AGMO: variants seen among roughly 807,000 people sequenced by gnomAD.
AGMO encodes glyceryl-ether monooxygenase.
Under a neutral mutation model 60.2 loss-of-function variants are expected in AGMO, and 75 were observed. That is an observed-to-expected ratio of 1.25 (90% CI 1.03 to 1.51). The LOEUF (loss-of-function observed/expected upper bound fraction) is 1.51, where lower values mean the gene tolerates loss of function less well. AGMO is among the 40% of genes most tolerant of loss of function. The probability of loss-of-function intolerance (pLI) is 0.00; values close to 1 mark genes in which losing one functional copy is unlikely to be tolerated. For missense variants in AGMO, 763 were observed against 525.5 expected (o/e 1.45, Z -4.42); for synonymous variants, 261 against 177.1 (o/e 1.47, Z -3.76).
At chr7:15,278,064 AT>A (rs1783850382) in intron 12 of AGMO, among the ~76,000 whole-genome samples, 1 of 152,024 alleles carries the variant, frequency 6.6e-6, no homozygotes, top group Non-Finnish European at 1.5e-5. Context: ...CTCAGGTTAG[AT>A]GCATACTATA....
intron 12 of AGMO, among the ~76,000 whole-genome samples, chr7:15,238,494 T>G (rs1251533595): frequency 1.3e-5 from 2 of 151,820 alleles, no homozygotes; most frequent in African/African-American, 4.8e-5. Context: ...TCATTATACA[T>G]TATACACAGG....
chr7:15,490,110 A>C (rs375616112), intron 3 of AGMO, among the ~76,000 whole-genome samples: 1 of 152,212 alleles, frequency 6.6e-6, no homozygotes, highest in Non-Finnish European at 1.5e-5. Flanking sequence ...TTAAACAAAC[A>C]ATTTTTAAAT....
intron 12 of AGMO, among the ~76,000 whole-genome samples, chr7:15,316,731 C>A (rs1780936969): frequency 2.0e-5 from 3 of 152,166 alleles, no homozygotes; most frequent in African/African-American, 4.8e-5. Context: ...CGTTTCCCCT[C>A]TCACTGTTTA....
chr7:15,376,538 C>G (rs1490710130), intron 10 of AGMO, among the ~76,000 whole-genome samples: 2 of 152,000 alleles, frequency 1.3e-5, no homozygotes, highest in South Asian at 2.1e-4. Flanking sequence ...CTCAGATGCC[C>G]TGTAACTTGA....
intron 3 of AGMO, among the ~76,000 whole-genome samples, chr7:15,504,444 C>T (rs1403633137): frequency 6.6e-6 from 1 of 151,908 alleles, no homozygotes; most frequent in African/African-American, 2.4e-5. Flanking sequence ...CCTCAAAACC[C>T]CCACTGGTTT....
chr7:15,478,230 T>C (rs1472567889), intron 3 of AGMO, among the ~76,000 whole-genome samples: 5 of 152,084 alleles, frequency 3.3e-5, no homozygotes, highest in Admixed American at 6.6e-5. Context: ...TTAGAAGAAG[T>C]TGAATTCATG....
intron 3 of AGMO, among the ~76,000 whole-genome samples, chr7:15,514,727 T>C (rs1783765655): frequency 6.6e-6 from 1 of 152,166 alleles, no homozygotes; most frequent in South Asian, 2.1e-4. Context: ...GTTCTAGTAG[T>C]ATACTTTGCA....
intron 3 of AGMO, among the ~76,000 whole-genome samples, chr7:15,513,738 A>G (rs1783737489): frequency 6.6e-6 from 1 of 152,208 alleles, no homozygotes; most frequent in South Asian, 2.1e-4. Context: ...GACAGTTTTT[A>G]TTTTTCATCC....
At chr7:15,263,689 A>G (rs990529385) in intron 12 of AGMO, among the ~76,000 whole-genome samples, 1 of 152,156 alleles carries the variant, frequency 6.6e-6, no homozygotes, top group African/African-American at 2.4e-5. Flanking sequence ...TCAACCAATG[A>G]AGGGATAAAG....
chr7:15,529,261 T>C (rs1784212206), intron 3 of AGMO, among the ~76,000 whole-genome samples: 1 of 151,720 alleles, frequency 6.6e-6, no homozygotes, highest in Admixed American at 6.6e-5. Flanking sequence ...TATTTCAACA[T>C]ACATGGAAAG....
At chr7:15,297,669 C>T (rs1784443259) in intron 12 of AGMO, among the ~76,000 whole-genome samples, 2 of 151,974 alleles carry the variant, frequency 1.3e-5, no homozygotes, top group South Asian at 4.1e-4. Flanking sequence ...ACTAGCATAC[C>T]CCCCTTCCTG....
chr7:15,182,291 A>G, the AGMO span, among the ~76,000 whole-genome samples: 3 of 152,350 alleles, frequency 2.0e-5, no homozygotes, highest in East Asian at 5.8e-4. Context: ...TAATGGTTAC[A>G]CAACAACGTA....
rs187978661 is a variant in AGMO at position 15,306,859 on chromosome 7, C to A, written c.1263+58655G>T. On this transcript the variant is annotated intron_variant, in intron 12 of 12. Coordinates refer to ENST00000342526, the MANE Select transcript of AGMO (RefSeq NM_001004320.2). ...TCAGTTAGTGTATAAAATATTATTA[C>A]AATAAGTTATAATCATAACAGAGGT... is the stretch of plus-strand genomic sequence containing the variant. 7.4e-3 allele frequency among the ~76,000 whole-genome samples: 1,117 copies of A among 151,838 alleles called. 17 individuals carry two copies. The highest frequency in any genetic ancestry group is 0.026 in the African/African-American group (1,070 of 41,434).
chr7:15,196,045 C>T (rs1399132614), downstream of AGMO, among the ~76,000 whole-genome samples: 1 of 151,754 alleles, frequency 6.6e-6, no homozygotes, highest in East Asian at 2.0e-4. Context: ...CCTCTCCCCT[C>T]CCCTCTCCTC....
chr7:15,510,175 T>A (rs534935463), intron 3 of AGMO, among the ~76,000 whole-genome samples: 1 of 152,192 alleles, frequency 6.6e-6, no homozygotes, highest in Admixed American at 6.5e-5. Flanking sequence ...CATCTTTTGT[T>A]TTGTTTTTGA....
chr7:15,137,911 T>C, the AGMO span, among the ~76,000 whole-genome samples: 9 of 152,224 alleles, frequency 5.9e-5, no homozygotes, highest in African/African-American at 2.2e-4. Context: ...CTGAAACAAG[T>C]GCTCTCCTTG....
chr7:15,272,744 C>G (rs575824857), intron 12 of AGMO, among the ~76,000 whole-genome samples: 4 of 152,284 alleles, frequency 2.6e-5, no homozygotes, highest in South Asian at 2.1e-4. Context: ...ACAGTGCCAC[C>G]AACAGTGTAA....
chr7:15,371,005 G>C (rs1018389246), intron 10 of AGMO, among the ~76,000 whole-genome samples: 6 of 152,102 alleles, frequency 3.9e-5, no homozygotes, highest in African/African-American at 1.4e-4. Flanking sequence ...GTTGACAAAA[G>C]CAATGGGGAA....
intron 12 of AGMO, among the ~76,000 whole-genome samples, chr7:15,234,209 A>AAT (rs541760467): frequency 9.9e-5 from 15 of 152,178 alleles, no homozygotes; most frequent in Non-Finnish European, 2.1e-4. Flanking sequence ...TTGTCAGATA[A>AAT]ATAATAACTT....
Sources: allele counts gnomAD v4.1 joint callset (sites outside exome capture counted in the v4.1 genomes callset), GRCh38; gene constraint gnomAD v4.1.1; transcripts MANE v1.5; gene names NCBI Gene and HGNC (gene_info 2026-07-23, HGNC 2026-07-21).